The following GFRAL variants were observed in gnomAD, a reference collection of about 807,000 sequenced individuals.
The protein encoded by GFRAL is GDNF family receptor alpha-like.
In GFRAL, 36 loss-of-function variants were observed where a neutral mutation model predicts 45.4. That is an observed-to-expected ratio of 0.79 (90% CI 0.61 to 1.05). GFRAL has a LOEUF of 1.05. Among genes scored for constraint, GFRAL ranks in the 50% least tolerant of loss-of-function variants. GFRAL has a pLI of 0.00. For missense variants in GFRAL, 507 were observed against 467.5 expected, an observed-to-expected ratio of 1.08 and a Z score of -0.78; for synonymous variants, 166 against 154.1, an observed-to-expected ratio of 1.08 and a Z score of -0.57.
intron 6 of GFRAL, among the ~76,000 whole-genome samples, chr6:55,366,409 T>G (rs1426322939): frequency 6.8e-6 from 1 of 147,964 alleles, no homozygotes; most frequent in Non-Finnish European, 1.5e-5. Context: ...ATTCATTAAT[T>G]TTTTGAAGGG....
At chr6:55,382,141 A>G (rs1768619081) in intron 6 of GFRAL, among the ~76,000 whole-genome samples, 1 of 151,914 alleles carries the variant, frequency 6.6e-6, no homozygotes, top group South Asian at 2.1e-4. Context: ...CATAGCCTCT[A>G]AACAGTCCAG....
intron 6 of GFRAL, 127 bp from the exon 7 acceptor site, chr6:55,399,053 A>C: frequency 1.9e-6 from 1 of 519,490 alleles, no homozygotes; most frequent in Admixed American, 3.8e-5. Flanking sequence ...GTTTTATTCA[A>C]ATCTATCAGA....
chr6:55,334,677 G>T (rs1007085787), intron 3 of GFRAL, among the ~76,000 whole-genome samples: 2 of 62,748 alleles, frequency 3.2e-5, no homozygotes, highest in Non-Finnish European at 7.8e-5. Context: ...CATCTACACG[G>T]AATGGTCTCA....
chr6:55,373,801 A>C (rs1040155282), intron 6 of GFRAL, among the ~76,000 whole-genome samples: 2 of 151,658 alleles, frequency 1.3e-5, no homozygotes, highest in Non-Finnish European at 2.9e-5. Flanking sequence ...TTTGTTACAT[A>C]GGTAAATGCA....
chr6:55,395,171 A>ATATAT (rs1327884681), intron 6 of GFRAL, among the ~76,000 whole-genome samples: 1 of 90,826 alleles, frequency 1.1e-5, no homozygotes, highest in Admixed American at 9.6e-5. Flanking sequence ...GGAAAAAAAA[A>ATATAT]AAAAATATAT....
At chr6:55,349,525 A>G (rs1768086930) in intron 3 of GFRAL, among the ~76,000 whole-genome samples, 1 of 151,954 alleles carries the variant, frequency 6.6e-6, no homozygotes, top group African/African-American at 2.4e-5. Context: ...CACCTGGTAC[A>G]TAGTAGGGAA....
chr6:55,344,376 G>T (rs990885731), intron 3 of GFRAL, among the ~76,000 whole-genome samples: 3 of 152,032 alleles, frequency 2.0e-5, no homozygotes, highest in Non-Finnish European at 4.4e-5. Context: ...ATTCAAGGCT[G>T]GTTCAAAGCA....
intron 6 of GFRAL, among the ~76,000 whole-genome samples, chr6:55,380,615 C>T (rs1464921596): frequency 6.6e-6 from 1 of 151,938 alleles, no homozygotes; most frequent in East Asian, 1.9e-4. Flanking sequence ...CCCAGATCCT[C>T]TTTTCACTTA....
intron 1 of GFRAL, among the ~76,000 whole-genome samples, chr6:55,328,914 A>G (rs1032716663): frequency 6.6e-6 from 1 of 152,202 alleles, no homozygotes; most frequent in East Asian, 1.9e-4. Flanking sequence ...AGGTCTTATA[A>G]TGAGGAAAAT....
intron 6 of GFRAL, among the ~76,000 whole-genome samples, chr6:55,395,175 A>AAAAAAT: frequency 8.1e-6 from 1 of 123,512 alleles, no homozygotes; most frequent in Non-Finnish European, 1.6e-5. Context: ...AAAAAAAAAA[A>AAAAAAT]ATATATATAT....
At position 55,350,090 on chromosome 6, in the gene GFRAL, A is replaced by G; in HGVS notation, c.317-2A>G. ...GAAATAATTTCTTTGTTTTCCTTCT[A>G]GATAACGTGAAAGAGGATAAATTCA... On this transcript the variant is annotated splice_acceptor_variant, in intron 3 of 8. Coordinates refer to ENST00000340465, the MANE Select transcript of GFRAL (RefSeq NM_207410.2). LOFTEE classifies it high-confidence loss of function. 6.7e-7 allele frequency: 1 copy of G among 1,498,960 alleles called. No individual in the cohort carries two copies. Among genetic ancestry groups the G allele is most frequent in the Non-Finnish European group, 9.3e-7 (1 of 1,077,756 alleles). 92.9% of individuals were successfully genotyped at this position (1,498,960 alleles called of 1,614,324 possible).
At chr6:55,364,072 T>A (rs1194644773) in intron 6 of GFRAL, among the ~76,000 whole-genome samples, 1 of 144,908 alleles carries the variant, frequency 6.9e-6, no homozygotes, top group African/African-American at 2.7e-5. Context: ...AAAGTGTTCC[T>A]ATTTCTCCAC....
At chr6:55,342,364 A>C (rs1441050357) in intron 3 of GFRAL, among the ~76,000 whole-genome samples, 1 of 152,232 alleles carries the variant, frequency 6.6e-6, no homozygotes, top group Non-Finnish European at 1.5e-5. Flanking sequence ...AGTGGGGACC[A>C]ATATTCAACA....
chr6:55,339,559 C>A (rs1767935391), intron 3 of GFRAL, among the ~76,000 whole-genome samples: 1 of 151,708 alleles, frequency 6.6e-6, no homozygotes, highest in African/African-American at 2.4e-5. Context: ...TTTGAAGAAA[C>A]CAAAAAGAAG....
At chr6:55,356,816 A>T (rs1768201335) in intron 5 of GFRAL, among the ~76,000 whole-genome samples, 1 of 151,200 alleles carries the variant, frequency 6.6e-6, no homozygotes, top group African/African-American at 2.4e-5. Flanking sequence ...TACTTTTTTG[A>T]TGTAGGTGCT....
chr6:55,333,709 T>A, intron 2 of GFRAL, 77 bp from the exon 3 acceptor site: 1 of 888,100 alleles, frequency 1.1e-6, no homozygotes, highest in Non-Finnish European at 1.6e-6. Flanking sequence ...GGTTAATATG[T>A]TAAAAGTACT....
intron 3 of GFRAL, among the ~76,000 whole-genome samples, chr6:55,340,529 A>G (rs1005878188): frequency 2.0e-5 from 3 of 152,170 alleles, no homozygotes; most frequent in Non-Finnish European, 2.9e-5. Context: ...TGAGCAAACA[A>G]AAGTGGTTGG....
At chr6:55,364,846 G>T (rs1768337005) in intron 6 of GFRAL, among the ~76,000 whole-genome samples, 1 of 152,140 alleles carries the variant, frequency 6.6e-6, no homozygotes, top group Non-Finnish European at 1.5e-5. Flanking sequence ...CTGTAGCCTT[G>T]TAGTATAGTT....
chr6:55,340,326 A>T (rs1272005933), intron 3 of GFRAL, among the ~76,000 whole-genome samples: 1 of 152,214 alleles, frequency 6.6e-6, no homozygotes, highest in Non-Finnish European at 1.5e-5. Flanking sequence ...TTCTCAAGAA[A>T]ATCAGTTTTG....
Sources: allele counts gnomAD v4.1 joint callset (sites outside exome capture counted in the v4.1 genomes callset), GRCh38; gene constraint gnomAD v4.1.1; transcripts MANE v1.5; gene names NCBI Gene and HGNC (gene_info 2026-07-23, HGNC 2026-07-21).